FYTTD1: variants seen among roughly 807,000 people sequenced by gnomAD.
The protein encoded by FYTTD1 is UAP56-interacting factor.
In FYTTD1, 22 loss-of-function variants were observed where a neutral mutation model predicts 40.9. That is an observed-to-expected ratio of 0.54 (90% confidence interval 0.38 to 0.77). The LOEUF is 0.77. FYTTD1 is among the 30% of genes least tolerant of loss of function. FYTTD1 has a pLI of 0.00. For missense variants in FYTTD1, 351 were observed against 392.2 expected (o/e 0.90, Z 0.89); for synonymous variants, 140 against 137.9 (o/e 1.01, Z -0.10).
chr3:197,778,531 T>C (rs1185483498), intron 8 of FYTTD1, 67 bp downstream of exon 8: 1 of 1,122,108 alleles, frequency 8.9e-7, no homozygotes, highest in African/African-American at 1.6e-5. Flanking sequence ...AAGTATTTAT[T>C]ATAATAGTGA....
intron 2 of FYTTD1, chr3:197,763,621 A>G: frequency 2.5e-6 from 1 of 395,626 alleles, no homozygotes; most frequent in South Asian, 1.8e-5. Context: ...TACAAAAAAA[A>G]AGAAAGAGTA....
chr3:197,770,099 A>G (rs781630726), intron 3 of FYTTD1, 33 bp from the exon 4 acceptor site: 10 of 1,322,762 alleles, frequency 7.6e-6, no homozygotes, highest in Middle Eastern at 1.8e-4. Context: ...GAAAAATGCA[A>G]TTTGATTAAC....
At chr3:197,749,879 C>T, upstream of FYTTD1, 1 of 785,748 alleles carries the variant, frequency 1.3e-6, no homozygotes, top group Non-Finnish European at 1.9e-6. Flanking sequence ...GTGCGCGCTC[C>T]CTCGGTGCGG....
intron 2 of FYTTD1, among the ~76,000 whole-genome samples, chr3:197,762,810 A>C (rs886222070): frequency 4.6e-5 from 7 of 152,036 alleles, no homozygotes; most frequent in African/African-American, 1.7e-4. Context: ...TGAACCTGGC[A>C]GGCGGAGCTT....
At chr3:197,779,067 G>A (rs1212503695) in intron 8 of FYTTD1, among the ~76,000 whole-genome samples, 3 of 152,130 alleles carry the variant, frequency 2.0e-5, no homozygotes, top group Non-Finnish European at 4.4e-5. Flanking sequence ...ACTATTATCT[G>A]CTGTTCGACT....
intron 2 of FYTTD1, among the ~76,000 whole-genome samples, chr3:197,757,911 A>AT (rs199965914): frequency 6.6e-6 from 1 of 151,946 alleles, no homozygotes; most frequent in Non-Finnish European, 1.5e-5. Flanking sequence ...TTATATTTAA[A>AT]TTTTTTTTTG....
At chr3:197,766,978 C>T (rs910556456) in intron 2 of FYTTD1, among the ~76,000 whole-genome samples, 12 of 152,052 alleles carry the variant, frequency 7.9e-5, no homozygotes, top group African/African-American at 2.9e-4. Context: ...GTGGTCATCT[C>T]TAGGTGGTAG....
At chr3:197,767,441 A>ATTTT (rs35419113) in intron 2 of FYTTD1, among the ~76,000 whole-genome samples, 5,297 of 145,058 alleles carry the variant, frequency 0.037, 349 homozygotes, top group African/African-American at 0.13. Context: ...CCTGGCTGCT[A>ATTTT]TTTTTTTTTT....
intron 8 of FYTTD1, among the ~76,000 whole-genome samples, chr3:197,779,553 A>G (rs1208850825): frequency 1.0e-4 from 6 of 58,634 alleles, no homozygotes; most frequent in African/African-American, 2.8e-4. Flanking sequence ...TTTTTTGTGA[A>G]ACAGTCTCAC....
chr3:197,774,322 T>C, intron 6 of FYTTD1, 112 bp downstream of exon 6: 1 of 909,086 alleles, frequency 1.1e-6, no homozygotes, highest in South Asian at 1.5e-5. Flanking sequence ...CAAAATAAAA[T>C]TCAGTCTGAA....
Position 197,750,094 on chromosome 3 carries a change from C to A in FYTTD1, c.103+20C>A. 6.5e-7 allele frequency: 1 copy of A among 1,529,148 alleles called. No individual in the cohort carries two copies. Among genetic ancestry groups the A allele is most frequent in the Non-Finnish European group, 8.9e-7 (1 of 1,129,696 alleles). The allele number at this position is 1,529,148 out of a possible 1,614,324, so 94.7% of individuals were successfully genotyped here. A position where few individuals can be genotyped will look rare whatever the true frequency, so the allele number is the denominator to read the frequency against. On this transcript the variant is annotated intron_variant, in intron 1 of 8. Transcript: ENST00000241502. ...CTTTGGGTGAGGGGCCGAGTTGGAC[C>A]GAGTTGGAGTGCGGGGGAGGGCGCG...
intron 3 of FYTTD1, among the ~76,000 whole-genome samples, chr3:197,769,684 T>C (rs1729658312): frequency 6.6e-6 from 1 of 152,212 alleles, no homozygotes; most frequent in African/African-American, 2.4e-5. Context: ...TTCTTTTTTT[T>C]TGGCATGCAT....
In FYTTD1 at chr3:197,787,221, C is replaced by G. The variant is rs2109060642; in HGVS notation, c.*5312C>G. Reference sequence around the variant, plus strand: ...TGCCTCCCGGGTTCAAGCGATTTTCCTGTCTCAACCTTCCAAGTATCTGGG... The same window carrying G: ...TGCCTCCCGGGTTCAAGCGATTTTCGTGTCTCAACCTTCCAAGTATCTGGG... On this transcript the variant is annotated 3_prime_UTR_variant, in exon 9 of 9. Transcript: ENST00000241502. The G allele has an allele frequency of 6.7e-6, 1 of 149,938 alleles. No homozygotes were observed. Among genetic ancestry groups the G allele is most frequent in the Non-Finnish European group, 1.5e-5 (1 of 68,000 alleles). 9.3% of individuals were successfully genotyped at this position (149,938 alleles called of 1,614,324 possible).
chr3:197,771,638 G>T (rs534049368), intron 4 of FYTTD1, among the ~76,000 whole-genome samples: 1 of 151,810 alleles, frequency 6.6e-6, no homozygotes, highest in Non-Finnish European at 1.5e-5. Flanking sequence ...TTAGCCGGGC[G>T]TGGTGGCGGG....
At chr3:197,750,662 C>T (rs1038604478) in intron 1 of FYTTD1, 159 of 985,344 alleles carry the variant, frequency 1.6e-4, no homozygotes, top group Non-Finnish European at 1.9e-4. Context: ...GAGCGTCTGT[C>T]AGAAAGGAAG....
chr3:197,768,331 C>A, intron 2 of FYTTD1, 108 bp from the exon 3 acceptor site: 2 of 733,828 alleles, frequency 2.7e-6, no homozygotes, highest in Non-Finnish European at 4.2e-6. Flanking sequence ...TAAATAATAA[C>A]ATAATAAATG....
intron 2 of FYTTD1, among the ~76,000 whole-genome samples, chr3:197,766,269 G>T (rs750168944): frequency 5.9e-4 from 89 of 151,720 alleles, no homozygotes; most frequent in Non-Finnish European, 1.1e-3. Flanking sequence ...AAATATATCT[G>T]TGGTTCTATT....
chr3:197,751,928 G>A (rs1443675146), intron 1 of FYTTD1, among the ~76,000 whole-genome samples: 2 of 152,148 alleles, frequency 1.3e-5, no homozygotes, highest in Non-Finnish European at 2.9e-5. Flanking sequence ...TTGGAGTGCA[G>A]TGGTGTGATC....
intron 2 of FYTTD1, among the ~76,000 whole-genome samples, chr3:197,762,671 G>A (rs1188041088): frequency 1.3e-5 from 2 of 151,610 alleles, no homozygotes; most frequent in East Asian, 1.9e-4. Context: ...TCATGAGATC[G>A]GGAGATCGAG....
Sources: allele counts gnomAD v4.1 joint callset (sites outside exome capture counted in the v4.1 genomes callset), GRCh38; gene constraint gnomAD v4.1.1; transcripts MANE v1.5; gene names NCBI Gene and HGNC (gene_info 2026-07-23, HGNC 2026-07-21).